MAGI3: variants seen among roughly 807,000 people sequenced by gnomAD.
The protein encoded by MAGI3 is membrane-associated guanylate kinase, WW and PDZ domain-containing protein 3.
A neutral mutation model predicts 121.8 loss-of-function variants in MAGI3; 43 were observed. The ratio of observed to expected loss-of-function variants is 0.35; its 90% CI spans 0.28 to 0.46. MAGI3 has a LOEUF of 0.46. MAGI3 is among the 20% of genes least tolerant of loss of function. MAGI3 has a pLI of 1.00. For missense variants in MAGI3, 1,547 were observed against 1,797.3 expected, an observed-to-expected ratio of 0.86 and a Z score of 2.52; for synonymous variants, 553 against 639.3, an observed-to-expected ratio of 0.86 and a Z score of 2.04.
intron 9 of MAGI3, among the ~76,000 whole-genome samples, chr1:113,630,945 G>A (rs1651589843): frequency 6.6e-6 from 1 of 152,072 alleles, no homozygotes; most frequent in Admixed American, 6.5e-5. Flanking sequence ...TTCACTCGGG[G>A]CCCAGAGCAC....
chr1:113,657,954 A>C (rs1331879828), intron 15 of MAGI3, among the ~76,000 whole-genome samples: 1 of 152,186 alleles, frequency 6.6e-6, no homozygotes, highest in Non-Finnish European at 1.5e-5. Flanking sequence ...TTCTACTCCA[A>C]ATGAAGGTCT....
chr1:113,516,390 CAAAAAAAAAA>C (rs60186333), intron 1 of MAGI3, among the ~76,000 whole-genome samples: 4 of 70,996 alleles, frequency 5.6e-5, no homozygotes, highest in African/African-American at 2.4e-4. Context: ...GAAGTTCTCA[CAAAAAAAAAA>C]AAAAAAAAAA....
rs188994120 is a variant in MAGI3 at position 113,461,572 on chromosome 1, C to T, written c.316+70223C>T. 3.2e-4 allele frequency among the ~76,000 whole-genome samples: 49 copies of T among 152,292 alleles called. 1 individual carries two copies. The highest frequency in any genetic ancestry group is 1.0e-3 in the African/African-American group (43 of 41,570). On this transcript the variant is annotated intron_variant, in intron 1 of 20. Transcript: ENST00000307546. ...TCCTTGCACCATATATAAAAATCAA[C>T]TCAAGATGGATCAAAGGCTTAAATG...
At chr1:113,518,645 G>A (rs867531933) in intron 1 of MAGI3, among the ~76,000 whole-genome samples, 1 of 152,042 alleles carries the variant, frequency 6.6e-6, no homozygotes, top group African/African-American at 2.4e-5. Flanking sequence ...TTTGAGTGAT[G>A]CGCCTATTCT....
intron 1 of MAGI3, among the ~76,000 whole-genome samples, chr1:113,425,088 G>A (rs567224731): frequency 1.2e-4 from 18 of 151,968 alleles, no homozygotes; most frequent in Non-Finnish European, 1.8e-4. Flanking sequence ...GAACCTGGGA[G>A]ATGGAGGTTG....
chr1:113,672,401 G>T (rs1024850760), intron 17 of MAGI3, among the ~76,000 whole-genome samples: 1 of 152,170 alleles, frequency 6.6e-6, no homozygotes, highest in Non-Finnish European at 1.5e-5. Flanking sequence ...TAAAAAAATT[G>T]TGGATGTTGA....
At chr1:113,629,190 C>G (rs950177400) in intron 9 of MAGI3, among the ~76,000 whole-genome samples, 3 of 151,896 alleles carry the variant, frequency 2.0e-5, no homozygotes, top group African/African-American at 7.3e-5. Context: ...TCTACTTGAT[C>G]GATTCTGCTG....
intron 19 of MAGI3, among the ~76,000 whole-genome samples, chr1:113,676,036 TTCTCTCTCTCTCTCTCATC>T (rs1220537516): frequency 2.0e-5 from 3 of 150,006 alleles, no homozygotes; most frequent in Admixed American, 2.0e-4. Context: ...CTATCTTCTC[TTCTCTCTCTCTCTCTCATC>T]TCTCTCTCTC....
chr1:113,603,696 C>G (rs925976140), intron 6 of MAGI3, among the ~76,000 whole-genome samples: 8 of 152,024 alleles, frequency 5.3e-5, no homozygotes, highest in African/African-American at 1.9e-4. Flanking sequence ...AACTGACAAC[C>G]TTCAGAATGG....
intron 6 of MAGI3, among the ~76,000 whole-genome samples, chr1:113,596,583 A>G (rs185730901): frequency 1.3e-5 from 2 of 152,346 alleles, no homozygotes; most frequent in Admixed American, 1.3e-4. Context: ...TATATTTGCC[A>G]AAGGAATTAA....
At chr1:113,449,201 A>T (rs74356496) in intron 1 of MAGI3, among the ~76,000 whole-genome samples, 1 of 152,252 alleles carries the variant, frequency 6.6e-6, no homozygotes, top group African/African-American at 2.4e-5. Context: ...GAGGACATAG[A>T]TGCCTAGTCT....
At chr1:113,568,064 G>T (rs770628830) in intron 2 of MAGI3, among the ~76,000 whole-genome samples, 5 of 151,884 alleles carry the variant, frequency 3.3e-5, no homozygotes, top group Non-Finnish European at 7.4e-5. Context: ...TATATTAAAG[G>T]CAAAACTATA....
chr1:113,537,647 G>C (rs931025599), intron 1 of MAGI3, among the ~76,000 whole-genome samples: 15 of 152,220 alleles, frequency 9.9e-5, no homozygotes, highest in Admixed American at 3.9e-4. Context: ...GTCAGCTTTT[G>C]GCATTCCCTC....
At chr1:113,394,175 G>A (rs752192032) in intron 1 of MAGI3, among the ~76,000 whole-genome samples, 1 of 152,050 alleles carries the variant, frequency 6.6e-6, no homozygotes, top group Non-Finnish European at 1.5e-5. Context: ...CTTTAGCTTT[G>A]ATTTTTTTTC....
chr1:113,474,303 A>G (rs1655695237), intron 1 of MAGI3, among the ~76,000 whole-genome samples: 1 of 152,144 alleles, frequency 6.6e-6, no homozygotes, highest in Admixed American at 6.5e-5. Flanking sequence ...TTTTGTTGCC[A>G]TTGCTTTTGA....
rs1023131590 is a variant in MAGI3, at chr1:113,549,292, T to C, written c.317-223T>C. Among the ~76,000 whole-genome samples the C allele has an allele frequency of 1.7e-4, 26 of 152,208 alleles. 1 individual carries two copies. The highest frequency in any genetic ancestry group is 1.7e-3 in the Admixed American group (26 of 15,284). On this transcript the variant is annotated intron_variant, in intron 1 of 20. Coordinates refer to ENST00000307546, the MANE Select transcript of MAGI3 (RefSeq NM_001142782.2). The stretch of plus-strand genomic sequence containing the variant: ...CTCTGACCTGTACCTTCTCCCTCCC[T>C]TACCATGTAAAATTATTCCCACATT...
intron 1 of MAGI3, among the ~76,000 whole-genome samples, chr1:113,411,358 CT>C (rs1651968602): frequency 6.6e-6 from 1 of 151,830 alleles, no homozygotes; most frequent in South Asian, 2.1e-4. Context: ...TGTTAAATTA[CT>C]GTTTTTAAGT....
At chr1:113,665,725 G>A (rs1397355326) in intron 16 of MAGI3, among the ~76,000 whole-genome samples, 1 of 152,048 alleles carries the variant, frequency 6.6e-6, no homozygotes, top group Non-Finnish European at 1.5e-5. Context: ...GTTCTAGTAT[G>A]TTCTCTCATA....
At chr1:113,509,195 A>C (rs553388379) in intron 1 of MAGI3, among the ~76,000 whole-genome samples, 1 of 152,072 alleles carries the variant, frequency 6.6e-6, no homozygotes, top group Admixed American at 6.5e-5. Context: ...AAAATCGTTT[A>C]CTCATTTTAA....
Sources: gnomAD v4.1 joint callset for allele counts (sites outside exome capture counted in the v4.1 genomes callset) on GRCh38, gnomAD v4.1.1 for gene constraint, MANE v1.5 for transcripts, NCBI Gene and HGNC (gene_info 2026-07-23, HGNC 2026-07-21) for gene names.